TMEM132D: variants seen among roughly 807,000 people sequenced by gnomAD.
TMEM132D encodes the protein mature OL transmembrane protein.
A neutral mutation model predicts 62.3 loss-of-function variants in TMEM132D; 21 were observed. That is an observed-to-expected ratio of 0.34 (90% CI 0.24 to 0.49). The LOEUF (loss-of-function observed/expected upper bound fraction) is 0.49. Among genes scored for constraint, TMEM132D ranks in the 20% least tolerant of loss-of-function variants. TMEM132D has a pLI of 0.99. For missense variants in TMEM132D, 1,346 were observed against 1,402.8 expected, an observed-to-expected ratio of 0.96 and a Z score of 0.65; for synonymous variants, 621 against 575.6, an observed-to-expected ratio of 1.08 and a Z score of -1.13.
chr12:129,619,260 C>T (rs974323975), intron 2 of TMEM132D, among the ~76,000 whole-genome samples: 3 of 152,042 alleles, frequency 2.0e-5, no homozygotes, highest in Non-Finnish European at 2.9e-5. Flanking sequence ...GAGGGGCCTT[C>T]GAATTTTATT....
intron 3 of TMEM132D, among the ~76,000 whole-genome samples, chr12:129,456,148 A>C (rs1413089277): frequency 2.0e-5 from 3 of 152,180 alleles, no homozygotes; most frequent in Admixed American, 6.5e-5. Flanking sequence ...TGGTTTTGCC[A>C]GTTGTTAATC....
intron 1 of TMEM132D, among the ~76,000 whole-genome samples, chr12:129,729,150 C>T (rs950409191): frequency 1.3e-5 from 2 of 152,192 alleles, no homozygotes; most frequent in African/African-American, 2.4e-5. Flanking sequence ...TAATTTGCCA[C>T]AGTCTCTACC....
At chr12:129,797,243 C>A (rs1192192842) in intron 1 of TMEM132D, among the ~76,000 whole-genome samples, 1 of 152,136 alleles carries the variant, frequency 6.6e-6, no homozygotes, top group Non-Finnish European at 1.5e-5. Flanking sequence ...TGCCTGTCTC[C>A]CGGGAGGGCT....
At chr12:129,267,166 AG>A (rs1206501955) in intron 4 of TMEM132D, among the ~76,000 whole-genome samples, 1 of 149,280 alleles carries the variant, frequency 6.7e-6, no homozygotes, top group African/African-American at 2.5e-5. Context: ...GTCCCTGTTG[AG>A]GGTTTTTTTT....
chr12:129,446,915 C>T (rs780107792), intron 3 of TMEM132D, among the ~76,000 whole-genome samples: 9 of 152,158 alleles, frequency 5.9e-5, no homozygotes, highest in Non-Finnish European at 1.2e-4. Flanking sequence ...ATAAATGCTT[C>T]GGATATGGAG....
chr12:129,799,329 T>C (rs1245510381), intron 1 of TMEM132D, among the ~76,000 whole-genome samples: 1 of 151,830 alleles, frequency 6.6e-6, no homozygotes, highest in South Asian at 2.1e-4. Flanking sequence ...ACACATATTA[T>C]ATATGTATAT....
At chr12:129,541,715 A>G (rs1876589274) in intron 2 of TMEM132D, among the ~76,000 whole-genome samples, 1 of 152,184 alleles carries the variant, frequency 6.6e-6, no homozygotes, top group Non-Finnish European at 1.5e-5. Flanking sequence ...GGGTCATCAA[A>G]TAAACCAGCA....
At chr12:129,404,708 T>TA (rs1415961177) in intron 3 of TMEM132D, among the ~76,000 whole-genome samples, 4 of 152,000 alleles carry the variant, frequency 2.6e-5, no homozygotes, top group African/African-American at 9.7e-5. Flanking sequence ...CATACTCTTT[T>TA]AAACAACCAG....
chr12:129,788,347 A>T (rs2051664867), intron 1 of TMEM132D, among the ~76,000 whole-genome samples: 1 of 152,146 alleles, frequency 6.6e-6, no homozygotes, highest in South Asian at 2.1e-4. Context: ...GAGGGTAGGG[A>T]TTTTGTCTTT....
chr12:129,420,485 G>A (rs375372593), intron 3 of TMEM132D, among the ~76,000 whole-genome samples: 2 of 152,002 alleles, frequency 1.3e-5, no homozygotes, highest in East Asian at 3.9e-4. Flanking sequence ...ATCGAAGGCT[G>A]TCAAATAAAT....
At chr12:129,574,667 G>T (rs1877608556) in intron 2 of TMEM132D, among the ~76,000 whole-genome samples, 1 of 151,720 alleles carries the variant, frequency 6.6e-6, no homozygotes, top group Admixed American at 6.6e-5. Flanking sequence ...AGGTATCCAG[G>T]CTCACATAAG....
intron 2 of TMEM132D, among the ~76,000 whole-genome samples, chr12:129,676,317 A>G (rs1438398605): frequency 6.6e-6 from 1 of 152,106 alleles, no homozygotes; most frequent in East Asian, 1.9e-4. Flanking sequence ...CTAATCTATC[A>G]TCTATCTATG....
intron 3 of TMEM132D, among the ~76,000 whole-genome samples, chr12:129,395,713 CT>C (rs1488444274): frequency 2.1e-5 from 2 of 97,242 alleles, no homozygotes; most frequent in Non-Finnish European, 4.5e-5. Flanking sequence ...ATCTGTATAT[CT>C]ACATCTACAT....
intron 1 of TMEM132D, among the ~76,000 whole-genome samples, chr12:129,743,712 G>C (rs1869682839): frequency 6.6e-6 from 1 of 152,252 alleles, no homozygotes; most frequent in East Asian, 1.9e-4. Context: ...ATTAAGTTAG[G>C]GATCTTGAGA....
intron 3 of TMEM132D, among the ~76,000 whole-genome samples, chr12:129,479,369 T>C (rs1874364210): frequency 6.6e-6 from 1 of 152,070 alleles, no homozygotes; most frequent in African/African-American, 2.4e-5. Flanking sequence ...GAATCTTTAT[T>C]ACTAGTTGAA....
rs2137227905 is a variant in TMEM132D, at chr12:129,700,640, G to A, written c.138C>T (p.Tyr46=). Residue 46 remains tyrosine, a synonymous_variant, in exon 2 of 9, where the codon TAC becomes TAT. Coordinates refer to ENST00000422113, the MANE Select transcript of TMEM132D (RefSeq NM_133448.3). ...TGTTGATGTGGTAGGTCACGGGGAG[G>A]TAGGTGGGCAGCAAGGAAAACCTCT... ...SIQRFSLLPT[Y]LPVTYHINNA... 4 of 1,613,992 alleles carry A rather than the reference G, an allele frequency of 2.5e-6. No homozygotes were observed. The highest frequency in any genetic ancestry group is 3.4e-6 in the Non-Finnish European group (4 of 1,180,010).
chr12:129,558,151 T>C (rs949438501), intron 2 of TMEM132D, among the ~76,000 whole-genome samples: 1 of 152,166 alleles, frequency 6.6e-6, no homozygotes, highest in African/African-American at 2.4e-5. Context: ...CAGGCAAGAA[T>C]CCAGGCTGAT....
chr12:129,292,308 G>A lies in TMEM132D; in HGVS notation c.1299+45326C>T, dbSNP rs79237565. On this transcript the variant is annotated intron_variant, in intron 4 of 8. Transcript: ENST00000422113. Reference sequence around the variant, plus strand: ...ATGTAGTCCTAATGTGGTCAGCAGAGAAACAATGGAAGAAGCCCATTAGCT... The same window carrying A: ...ATGTAGTCCTAATGTGGTCAGCAGAAAAACAATGGAAGAAGCCCATTAGCT... Among the ~76,000 whole-genome samples, 657 of 152,274 alleles carry A rather than the reference G, an allele frequency of 4.3e-3. 5 individuals are homozygous for A. The highest frequency in any genetic ancestry group is 0.014 in the African/African-American group (601 of 41,534).
chr12:129,380,727 T>C (rs946585378), intron 3 of TMEM132D, among the ~76,000 whole-genome samples: 6 of 152,024 alleles, frequency 3.9e-5, no homozygotes, highest in African/African-American at 1.5e-4. Flanking sequence ...CTGTCCCCCA[T>C]CCCCATCCCT....
Sources: allele counts gnomAD v4.1 joint callset (sites outside exome capture counted in the v4.1 genomes callset), GRCh38; gene constraint gnomAD v4.1.1; transcripts MANE v1.5; gene names NCBI Gene and HGNC (gene_info 2026-07-23, HGNC 2026-07-21).